The following SHOC2 variants were observed in gnomAD, a reference collection of about 807,000 sequenced individuals.
SHOC2 encodes the protein SHOC2 leucine rich repeat scaffold protein, also known as leucine-rich repeat protein SHOC-2.
A neutral mutation model predicts 50.2 loss-of-function variants in SHOC2; 4 were observed. The ratio of observed to expected loss-of-function variants is 0.08; its 90% CI spans 0.04 to 0.18. The LOEUF (loss-of-function observed/expected upper bound fraction) is 0.18. Ranked by LOEUF, SHOC2 falls within the 10% of genes least tolerant of loss-of-function variation. The pLI, the probability that SHOC2 is intolerant of heterozygous loss-of-function variation, is 1.00. For synonymous variants in SHOC2, 218 were observed against 244.5 expected (o/e 0.89, Z 1.01); for missense variants, 388 against 669.6 (o/e 0.58, Z 4.64).
rs767180247 is a variant in SHOC2 at position 110,940,907 on chromosome 10, T to TG, written c.-235+21253dup. Among the ~76,000 whole-genome samples the TG allele has an allele frequency of 6.8e-4, 10 of 14,682 alleles. 3 individuals are homozygous for TG. Among genetic ancestry groups the TG allele is most frequent in the African/African-American group, 7.8e-4 (4 of 5,098 alleles). The allele number at this position is 14,682 out of a possible 152,430, so 9.6% of individuals were successfully genotyped here. ...AAAGACAAAATAGTGGTATTTGTGG[T>TG]GGGTTTTTTTTTTTTTTTTTTTTTT... On this transcript the variant is annotated intron_variant, in intron 1 of 8. Coordinates refer to ENST00000369452, the MANE Select transcript of SHOC2 (RefSeq NM_007373.4).
chr10:110,943,690 A>G (rs1847194553), intron 1 of SHOC2, among the ~76,000 whole-genome samples: 1 of 152,236 alleles, frequency 6.6e-6, no homozygotes. Flanking sequence ...AAACCTTGCT[A>G]ACTCACTAGA....
intron 2 of SHOC2, among the ~76,000 whole-genome samples, chr10:110,981,341 C>CTGAA (rs1564720796): frequency 6.6e-6 from 1 of 152,126 alleles, no homozygotes; most frequent in African/African-American, 2.4e-5. Context: ...AATTTTTTGT[C>CTGAA]TGAATGAATG....
intron 1 of SHOC2, among the ~76,000 whole-genome samples, chr10:110,953,730 GTATA>G (rs143976923): frequency 1.4e-5 from 2 of 147,204 alleles, no homozygotes; most frequent in Admixed American, 6.8e-5. Context: ...ACACACACGT[GTATA>G]TATATATATA....
intron 3 of SHOC2, among the ~76,000 whole-genome samples, chr10:110,997,189 C>T (rs963016793): frequency 3.3e-5 from 5 of 152,100 alleles, no homozygotes; most frequent in African/African-American, 1.2e-4. Flanking sequence ...CTATTAAAAA[C>T]ATGTACAGGC....
intron 1 of SHOC2, among the ~76,000 whole-genome samples, chr10:110,925,905 A>G (rs1846762090): frequency 6.6e-6 from 1 of 152,214 alleles, no homozygotes; most frequent in East Asian, 1.9e-4. Flanking sequence ...TATTTTTATT[A>G]TAGAAATCTG....
intron 2 of SHOC2, among the ~76,000 whole-genome samples, chr10:110,966,660 AC>A (rs1283732835): frequency 1.3e-5 from 2 of 152,126 alleles, no homozygotes; most frequent in African/African-American, 2.4e-5. Context: ...TAGCATTTTT[AC>A]TAAAAAGTGA....
chr10:110,997,296 A>T (rs901727183), intron 3 of SHOC2, among the ~76,000 whole-genome samples: 4 of 152,226 alleles, frequency 2.6e-5, no homozygotes, highest in African/African-American at 9.6e-5. Context: ...ACAATTTTTT[A>T]AAAAATTAAA....
intron 1 of SHOC2, among the ~76,000 whole-genome samples, chr10:110,933,470 G>C (rs1006469819): frequency 6.6e-6 from 1 of 152,150 alleles, no homozygotes; most frequent in African/African-American, 2.4e-5. Context: ...TTAATAGCCA[G>C]TATGTAGCCA....
chr10:110,976,237 C>T (rs755068881), intron 2 of SHOC2, among the ~76,000 whole-genome samples: 23 of 151,994 alleles, frequency 1.5e-4, no homozygotes, highest in Non-Finnish European at 3.2e-4. Context: ...GCCCAAAGAA[C>T]GTCCGTTAAC....
intron 1 of SHOC2, among the ~76,000 whole-genome samples, chr10:110,941,512 A>G (rs2134091448): frequency 6.6e-6 from 1 of 151,918 alleles, no homozygotes; most frequent in Middle Eastern, 3.4e-3. Context: ...TTGTATTTTT[A>G]GTAGAGACAG....
At chr10:110,997,841 A>C (rs1190246778) in intron 3 of SHOC2, among the ~76,000 whole-genome samples, 1 of 152,120 alleles carries the variant, frequency 6.6e-6, no homozygotes, top group Non-Finnish European at 1.5e-5. Context: ...TTTTTCTATT[A>C]CATTGTGATG....
intron 5 of SHOC2, among the ~76,000 whole-genome samples, chr10:111,005,500 T>C (rs1848450647): frequency 6.6e-6 from 1 of 152,196 alleles, no homozygotes; most frequent in South Asian, 2.1e-4. Context: ...GGAAGAAAGT[T>C]AAAGCATGTA....
chr10:111,007,901 TAAAAG>T (rs1848499393), intron 6 of SHOC2, among the ~76,000 whole-genome samples: 1 of 151,970 alleles, frequency 6.6e-6, no homozygotes, highest in Non-Finnish European at 1.5e-5. Flanking sequence ...TTAATATCTC[TAAAAG>T]AAAAGTTCTG....
intron 1 of SHOC2, among the ~76,000 whole-genome samples, chr10:110,925,400 T>G (rs1846749155): frequency 6.6e-6 from 1 of 152,030 alleles, no homozygotes; most frequent in African/African-American, 2.4e-5. Context: ...ATTTTTTGGG[T>G]TTTTTTGTTT....
chr10:111,012,293 T>G lies in SHOC2; in HGVS notation c.*475T>G, dbSNP rs1848580773. ...GATTTGAGATTTAAATTTTATGTAT[T>G]GTTTACAGTCAGAGTAAATCACTGG... On this transcript the variant is annotated 3_prime_UTR_variant, in exon 9 of 9. Coordinates refer to ENST00000369452, the MANE Select transcript of SHOC2 (RefSeq NM_007373.4). The G allele has an allele frequency of 5.8e-6, 1 of 173,318 alleles. No individual in the cohort carries two copies. The highest frequency in any genetic ancestry group is 1.3e-4 in the South Asian group (1 of 7,648). 10.7% of individuals were successfully genotyped at this position (173,318 alleles called of 1,614,324 possible).
chr10:110,949,744 G>A (rs78878261), intron 1 of SHOC2, among the ~76,000 whole-genome samples: 3,254 of 152,268 alleles, frequency 0.021, 123 homozygotes, highest in African/African-American at 0.075. Context: ...GTGAGCAAGT[G>A]GGATTTATCC....
chr10:110,962,002 C>G (rs1455407707), intron 1 of SHOC2, among the ~76,000 whole-genome samples: 1 of 151,924 alleles, frequency 6.6e-6, no homozygotes, highest in Non-Finnish European at 1.5e-5. Flanking sequence ...AATTTTGATT[C>G]AGTGATTTGT....
intron 1 of SHOC2, among the ~76,000 whole-genome samples, chr10:110,941,156 T>C (rs1039553420): frequency 3.3e-5 from 5 of 152,014 alleles, no homozygotes; most frequent in Non-Finnish European, 5.9e-5. Flanking sequence ...ACTTTTTTTT[T>C]CTAAGTTGTG....
chr10:110,946,683 C>G (rs538330457), intron 1 of SHOC2, among the ~76,000 whole-genome samples: 6 of 152,018 alleles, frequency 3.9e-5, no homozygotes, highest in Non-Finnish European at 7.4e-5. Flanking sequence ...GCATGTAGAT[C>G]TGCATTCAAA....
Sources: gnomAD v4.1 joint callset for allele counts (sites outside exome capture counted in the v4.1 genomes callset) on GRCh38, gnomAD v4.1.1 for gene constraint, MANE v1.5 for transcripts, NCBI Gene and HGNC (gene_info 2026-07-23, HGNC 2026-07-21) for gene names.